The following FLRT2 variants were observed in gnomAD, a reference collection of about 807,000 sequenced individuals.
FLRT2 encodes leucine-rich repeat transmembrane protein FLRT2.
FLRT2 carries 15 observed loss-of-function variants against 40.0 expected under a neutral mutation model. The observed-to-expected ratio is 0.38, with a 90% confidence interval of 0.25 to 0.58. The LOEUF is 0.58. Among genes scored for constraint, FLRT2 ranks in the 20% least tolerant of loss-of-function variants. FLRT2 has a pLI of 0.71. For synonymous variants in FLRT2, 380 were observed against 336.8 expected (o/e 1.13, Z -1.41); for missense variants, 726 against 840.0 (o/e 0.86, Z 1.68).
rs146671852 is a variant in FLRT2, at chr14:85,626,539, G to A, written c.*3042G>A. ...ATAGTCATGATCAAAAGGATATATT[G>A]ACAGTTATCTATAGCCAGGGTAGTT... On this transcript the variant is annotated 3_prime_UTR_variant, in exon 2 of 2. Coordinates refer to ENST00000330753, the MANE Select transcript of FLRT2 (RefSeq NM_013231.6). 3 of 167,178 alleles carry A rather than the reference G, an allele frequency of 1.8e-5. No individual in the cohort carries two copies. The highest frequency in any genetic ancestry group is 7.2e-5 in the African/African-American group (3 of 41,564). 10.4% of individuals were successfully genotyped at this position (167,178 alleles called of 1,614,324 possible).
chr14:85,539,123 C>T (rs1377583648), intron 1 of FLRT2, among the ~76,000 whole-genome samples: 2 of 151,968 alleles, frequency 1.3e-5, no homozygotes, highest in African/African-American at 2.4e-5. Flanking sequence ...CTCATCACTC[C>T]GGGCCCTTAC....
In FLRT2 at chr14:85,638,783, T is replaced by G. The variant is rs1043414444; in HGVS notation, c.*15286T>G. ...TTTAAATGACGCACCTGAACATATATGAGGCCTAGATTTTGCTGCATGTCC... is the reference window on the plus strand; with the variant it reads ...TTTAAATGACGCACCTGAACATATAGGAGGCCTAGATTTTGCTGCATGTCC... On this transcript the variant is annotated 3_prime_UTR_variant, in exon 2 of 2. Transcript: ENST00000330753. The G allele has an allele frequency of 1.3e-5, 2 of 152,214 alleles. No individual in the cohort carries two copies. The highest frequency in any genetic ancestry group is 2.9e-5 in the Non-Finnish European group (2 of 68,044). The allele number at this position is 152,214 out of a possible 1,614,324, so 9.4% of individuals were successfully genotyped here. A position where few individuals can be genotyped will look rare whatever the true frequency, so the allele number is the denominator to read the frequency against.
At chr14:85,611,621 A>T (rs778031886) in intron 1 of FLRT2, among the ~76,000 whole-genome samples, 7 of 152,096 alleles carry the variant, frequency 4.6e-5, no homozygotes, top group Admixed American at 2.0e-4. Flanking sequence ...ACCAAGTATG[A>T]TCCTCCCAAG....
rs574865657 is a variant in FLRT2, at chr14:85,645,498, T to C, written c.*22001T>C. The C allele has an allele frequency of 2.0e-5, 3 of 152,106 alleles. No homozygotes were observed. Among genetic ancestry groups the C allele is most frequent in the Non-Finnish European group, 2.9e-5 (2 of 68,022 alleles). 9.4% of individuals were successfully genotyped at this position (152,106 alleles called of 1,614,324 possible). ...TCCAAGTGAGCAGGTCTTTGAATGG[T>C]ACATCTATTTGTTCACTCTGCTTGG... On this transcript the variant is annotated 3_prime_UTR_variant, in exon 2 of 2. Transcript: ENST00000330753.
chr14:85,588,250 G>A (rs1240676559), intron 1 of FLRT2, among the ~76,000 whole-genome samples: 6 of 151,962 alleles, frequency 3.9e-5, no homozygotes, highest in Admixed American at 6.6e-5. Flanking sequence ...AAAGACAGAC[G>A]GGCCTTAATA....
At chr14:85,550,843 G>T (rs986306232) in intron 1 of FLRT2, among the ~76,000 whole-genome samples, 1 of 152,132 alleles carries the variant, frequency 6.6e-6, no homozygotes, top group South Asian at 2.1e-4. Flanking sequence ...TCTGGAGGGG[G>T]TTTCATTGGA....
rs1413420693 is a variant in FLRT2, at chr14:85,530,182, T to C, written c.-729T>C. On this transcript the variant is annotated 5_prime_UTR_variant, in exon 1 of 2. Transcript: ENST00000330753. Reference sequence around the variant, plus strand: ...AAACCTGTCGCCGTCACTTGCGCGTTTGGCATTATCCATTGTCACCGCGGA... The same window carrying C: ...AAACCTGTCGCCGTCACTTGCGCGTCTGGCATTATCCATTGTCACCGCGGA... 1 of 152,690 alleles carries C rather than the reference T, an allele frequency of 6.5e-6. No individual in the cohort carries two copies. The highest frequency in any genetic ancestry group is 1.5e-5 in the Non-Finnish European group (1 of 68,120). The allele number at this position is 152,690 out of a possible 1,614,324, so 9.5% of individuals were successfully genotyped here.
Position 85,641,194 on chromosome 14 carries a change from G to C in FLRT2, c.*17697G>C, listed in dbSNP as rs536133680. On this transcript the variant is annotated 3_prime_UTR_variant, in exon 2 of 2. Transcript: ENST00000330753. The stretch of plus-strand genomic sequence containing the variant: ...GAAGAGAGCATGGTGTTTAATGCCA[G>C]GGTGGAAAGCTGTGACAGTCAGCTT... 1 of 152,354 alleles carries C rather than the reference G, an allele frequency of 6.6e-6. No homozygotes were observed. The highest frequency in any genetic ancestry group is 1.5e-5 in the Non-Finnish European group (1 of 68,040). The allele number at this position is 152,354 out of a possible 1,614,324, so 9.4% of individuals were successfully genotyped here. A position where few individuals can be genotyped will look rare whatever the true frequency, so the allele number is the denominator to read the frequency against.
intron 1 of FLRT2, among the ~76,000 whole-genome samples, chr14:85,604,251 G>A (rs1312675673): frequency 6.6e-6 from 1 of 152,192 alleles, no homozygotes; most frequent in African/African-American, 2.4e-5. Flanking sequence ...GGTAAGTGAT[G>A]TGTCTGCCTT....
chr14:85,584,688 A>T (rs1891540296), intron 1 of FLRT2, among the ~76,000 whole-genome samples: 1 of 152,152 alleles, frequency 6.6e-6, no homozygotes, highest in Admixed American at 6.5e-5. Flanking sequence ...CCGCCCCTGC[A>T]GATGCAGAAC....
rs555017171 is a variant in FLRT2, at chr14:85,624,831, C to A, written c.*1334C>A. 6.0e-6 allele frequency: 1 copy of A among 166,992 alleles called. No homozygotes were observed. The highest frequency in any genetic ancestry group is 2.4e-5 in the African/African-American group (1 of 41,426). The allele number at this position is 166,992 out of a possible 1,614,324, so 10.3% of individuals were successfully genotyped here. On this transcript the variant is annotated 3_prime_UTR_variant, in exon 2 of 2. Coordinates refer to ENST00000330753, the MANE Select transcript of FLRT2 (RefSeq NM_013231.6). The stretch of plus-strand genomic sequence containing the variant: ...TCTGTAAGGACACATCAAAGCTGGC[C>A]AAAATAATGAATTTTTTTTAAAAAG...
intron 1 of FLRT2, among the ~76,000 whole-genome samples, chr14:85,561,837 G>T (rs1005820450): frequency 1.3e-5 from 2 of 152,112 alleles, no homozygotes; most frequent in African/African-American, 2.4e-5. Flanking sequence ...AGATAGCCCC[G>T]GTCTTTGGTA....
Position 85,631,432 on chromosome 14 carries a change from A to T in FLRT2, c.*7935A>T, listed in dbSNP as rs764174374. The T allele has an allele frequency of 6.6e-6, 1 of 152,080 alleles. No individual in the cohort carries two copies. Among genetic ancestry groups the T allele is most frequent in the Non-Finnish European group, 1.5e-5 (1 of 68,024 alleles). The allele number at this position is 152,080 out of a possible 1,614,324, so 9.4% of individuals were successfully genotyped here. ...ACAATGGGGCCCCTGGAAACAGAAA[A>T]CATATTCTGTAAATTGTTGTACCTC... On this transcript the variant is annotated 3_prime_UTR_variant, in exon 2 of 2. Transcript: ENST00000330753.
chr14:85,607,152 A>G (rs1046725546), intron 1 of FLRT2, among the ~76,000 whole-genome samples: 2 of 151,872 alleles, frequency 1.3e-5, no homozygotes, highest in South Asian at 2.1e-4. Context: ...TGGGTTATAG[A>G]TGATTGCGTT....
rs778764956 is a variant in FLRT2 at position 85,621,915 on chromosome 14, A to G, written c.401A>G (p.Lys134Arg). 110 of 1,601,864 alleles carry G rather than the reference A, an allele frequency of 6.9e-5. 1 individual carries two copies. Among genetic ancestry groups the G allele is most frequent in the Non-Finnish European group, 1.0e-5 (12 of 1,173,306 alleles). Reference sequence around the variant, plus strand: ...CGGGCTGCTCTTGCCCAGCTCTTGAAGCTTGAAGAGCTGCACCTGGATGAC... The same window carrying G: ...CGGGCTGCTCTTGCCCAGCTCTTGAGGCTTGAAGAGCTGCACCTGGATGAC... ...ISRAALAQLL[K>R]LEELHLDDNS... The change falls in exon 2 of 2, where the codon AAG (lysine) becomes AGG (arginine). Residue 134 changes from lysine to arginine, a missense_variant. Lys to Arg is a conservative substitution (Grantham distance 26). Around this residue, in one of 3 missense-constraint regions of FLRT2, gnomAD observed 611 missense variants for 690.0 expected, o/e 0.89. Coordinates refer to ENST00000330753, the MANE Select transcript of FLRT2 (RefSeq NM_013231.6).
intron 1 of FLRT2, among the ~76,000 whole-genome samples, chr14:85,585,853 T>A (rs1891591389): frequency 6.6e-6 from 1 of 151,860 alleles, no homozygotes; most frequent in Admixed American, 6.6e-5. Flanking sequence ...CAGCTGAATT[T>A]TCTGTTCTTG....
chr14:85,621,769 C>G lies in FLRT2; in HGVS notation c.255C>G (p.His85Gln). 1 of 1,614,230 alleles carries G rather than the reference C, an allele frequency of 6.2e-7. No individual in the cohort carries two copies. The highest frequency in any genetic ancestry group is 2.2e-5 in the East Asian group (1 of 44,876). Residue 85 changes from histidine to glutamine, a missense_variant, in exon 2 of 2, where the codon CAC (histidine) becomes CAG (glutamine). Transcript: ENST00000330753. ...ATGCTGGATTTCCTGCAGAACTGCA[C>G]AATGTACAGTCGGTGCACACGGTCT... ...INNAGFPAEL[H>Q]NVQSVHTVYL... is the part of the protein sequence containing the mutation.
intron 1 of FLRT2, among the ~76,000 whole-genome samples, chr14:85,550,098 G>T (rs1312635749): frequency 6.6e-6 from 1 of 152,054 alleles, no homozygotes; most frequent in Non-Finnish European, 1.5e-5. Context: ...AGGCATCGTG[G>T]ATTATTGGAA....
chr14:85,570,964 T>C (rs1419739139), intron 1 of FLRT2, among the ~76,000 whole-genome samples: 2 of 152,158 alleles, frequency 1.3e-5, no homozygotes. Context: ...TGCACTTTAC[T>C]GAGTCAAGAG....
Sources: gnomAD v4.1 joint callset for allele counts (sites outside exome capture counted in the v4.1 genomes callset) on GRCh38, gnomAD v4.1.1 for gene constraint, gnomAD v4.1.1 regional missense constraint, MANE v1.5 for transcripts, NCBI Gene and HGNC (gene_info 2026-07-23, HGNC 2026-07-21) for gene names.